Variants in ZNF782 observed in about 807,000 individuals in gnomAD.
ZNF782 encodes the protein zinc finger protein 782.
Under a neutral mutation model 13.0 loss-of-function variants are expected in ZNF782, and 12 were observed. That is an observed-to-expected ratio of 0.92 (90% CI 0.59 to 1.50). The LOEUF (loss-of-function observed/expected upper bound fraction) is 1.50. Ranked by LOEUF, ZNF782 falls within the 40% of genes most tolerant of loss-of-function variation. ZNF782 has a pLI of 0.00. For missense variants in ZNF782, 770 were observed against 822.9 expected, an observed-to-expected ratio of 0.94 and a Z score of 0.79; for synonymous variants, 284 against 283.0, an observed-to-expected ratio of 1.00 and a Z score of -0.04.
intron 4 of ZNF782, among the ~76,000 whole-genome samples, chr9:96,831,592 A>G (rs1277112316): frequency 1.3e-5 from 2 of 151,986 alleles, no homozygotes; most frequent in African/African-American, 4.8e-5. Flanking sequence ...AGGCGTCTGT[A>G]GTCCCAGCTA....
At chr9:96,925,404 G>A in the ZNF782 span, among the ~76,000 whole-genome samples, 13 of 152,152 alleles carry the variant, frequency 8.5e-5, no homozygotes, top group South Asian at 8.3e-4. Flanking sequence ...TTTGGAGGCC[G>A]AGGCGGGTGG....
the ZNF782 span, among the ~76,000 whole-genome samples, chr9:96,924,983 C>T: frequency 6.6e-6 from 1 of 152,350 alleles, no homozygotes; most frequent in East Asian, 1.9e-4. Context: ...CACTGGTGAC[C>T]AGCGGAAGCA....
the ZNF782 span, chr9:96,910,430 T>TA: frequency 2.4e-3 from 827 of 337,680 alleles, no homozygotes; most frequent in Middle Eastern, 6.8e-3. Flanking sequence ...AAAGTTAAAC[T>TA]AAAAAAAAAA....
At chr9:96,855,624 T>C (rs1445965709), upstream of ZNF782, among the ~76,000 whole-genome samples, 1 of 152,226 alleles carries the variant, frequency 6.6e-6, no homozygotes, top group Non-Finnish European at 1.5e-5. Flanking sequence ...TATCATCAGA[T>C]ACATACCACA....
At chr9:96,864,091 T>C (rs557185076) in intron 1 of ZNF782, among the ~76,000 whole-genome samples, 7 of 149,286 alleles carry the variant, frequency 4.7e-5, no homozygotes, top group African/African-American at 1.5e-4. Context: ...ACACATATAT[T>C]TGTTTATATA....
chr9:96,848,258 C>A (rs902394379), intron 3 of ZNF782, among the ~76,000 whole-genome samples: 6 of 152,104 alleles, frequency 3.9e-5, no homozygotes, highest in African/African-American at 1.2e-4. Flanking sequence ...AGAAACAAGA[C>A]AAGGATGCCC....
At chr9:96,911,801 T>C in the ZNF782 span, among the ~76,000 whole-genome samples, 2 of 151,964 alleles carry the variant, frequency 1.3e-5, no homozygotes, top group Non-Finnish European at 2.9e-5. Context: ...ATTACAGGTG[T>C]GACCCACCAC....
At chr9:96,872,779 T>A (rs927560884) in intron 1 of ZNF782, among the ~76,000 whole-genome samples, 4 of 152,220 alleles carry the variant, frequency 2.6e-5, no homozygotes, top group Admixed American at 2.6e-4. Flanking sequence ...CTGGCCACAA[T>A]ACTTAGTGGC....
the ZNF782 span, among the ~76,000 whole-genome samples, chr9:96,885,857 T>C: frequency 2.0e-5 from 3 of 152,028 alleles, no homozygotes; most frequent in South Asian, 6.2e-4. Flanking sequence ...TCCTTTCTTT[T>C]CTTAGACAGA....
At chr9:96,829,714 A>G (rs1230698872) in intron 4 of ZNF782, among the ~76,000 whole-genome samples, 2 of 152,202 alleles carry the variant, frequency 1.3e-5, no homozygotes, top group African/African-American at 2.4e-5. Context: ...TGGGCCCTGA[A>G]ACAAGTTTAA....
chr9:96,864,194 G>A (rs1052105491), intron 1 of ZNF782, among the ~76,000 whole-genome samples: 1 of 150,466 alleles, frequency 6.6e-6, no homozygotes, highest in Non-Finnish European at 1.5e-5. Context: ...TGCTGTTCCT[G>A]TAAAGGGTAT....
intron 4 of ZNF782, among the ~76,000 whole-genome samples, chr9:96,835,017 C>T (rs1207140150): frequency 6.6e-6 from 1 of 152,142 alleles, no homozygotes; most frequent in African/African-American, 2.4e-5. Flanking sequence ...GACCATTCTG[C>T]TAAGATCTCA....
chr9:96,875,615 G>A (rs1392829538), exon 1 of ZNF782: 4 of 456,302 alleles, frequency 8.8e-6, no homozygotes, highest in African/African-American at 2.0e-5. Flanking sequence ...TTTCCCCAAG[G>A]TTCGCACTGA....
At chr9:96,913,443 G>T in the ZNF782 span, among the ~76,000 whole-genome samples, 3 of 151,898 alleles carry the variant, frequency 2.0e-5, no homozygotes, top group African/African-American at 7.2e-5. Flanking sequence ...GTTGCAAATC[G>T]AATTAAACTG....
the ZNF782 span, among the ~76,000 whole-genome samples, chr9:96,932,596 G>A: frequency 1.3e-5 from 2 of 152,124 alleles, no homozygotes; most frequent in Non-Finnish European, 2.9e-5. Context: ...AGGACAGACT[G>A]TCAGGGGCCT....
At chr9:96,885,679 C>G in the ZNF782 span, among the ~76,000 whole-genome samples, 130 of 151,352 alleles carry the variant, frequency 8.6e-4, 1 homozygote, top group Non-Finnish European at 1.6e-3. Context: ...ACATTGATGC[C>G]AAGACACATA....
chr9:96,816,805 T>G lies in ZNF782; in HGVS notation c.*1118A>C, dbSNP rs1850187588. 6.6e-6 allele frequency: 1 copy of G among 152,188 alleles called. No individual in the cohort carries two copies. The highest frequency in any genetic ancestry group is 2.1e-4 in the South Asian group (1 of 4,834). The allele number at this position is 152,188 out of a possible 1,614,324, so 9.4% of individuals were successfully genotyped here. ...TTAAAATGTCAGATTTCTTATGATA[T>G]TACCTGTCTGATGAGGAAGACTTTG... is the stretch of plus-strand genomic sequence containing the variant. On this transcript the variant is annotated 3_prime_UTR_variant, in exon 6 of 6. Transcript: ENST00000481138.
upstream of ZNF782, among the ~76,000 whole-genome samples, chr9:96,878,011 C>CAACTTGTT (rs759022577): frequency 1.8e-4 from 27 of 152,164 alleles, no homozygotes; most frequent in Admixed American, 5.2e-4. Flanking sequence ...GGCAACTTGG[C>CAACTTGTT]AACTTGTTAA....
the ZNF782 span, among the ~76,000 whole-genome samples, chr9:96,931,490 T>A: frequency 1.3e-5 from 2 of 151,444 alleles, no homozygotes; most frequent in Admixed American, 1.3e-4. Flanking sequence ...AAGGCTTGGC[T>A]GTTTCTTCTT....
Sources: allele counts gnomAD v4.1 joint callset (sites outside exome capture counted in the v4.1 genomes callset), GRCh38; gene constraint gnomAD v4.1.1; transcripts MANE v1.5; gene names NCBI Gene and HGNC (gene_info 2026-07-23, HGNC 2026-07-21).